Variants in TMSB4X observed in about 807,000 individuals in gnomAD.
TMSB4X encodes thymosin beta 4 X-linked.
In TMSB4X, 1 loss-of-function variant was observed where a neutral mutation model predicts 3.6. The observed-to-expected ratio is 0.28, with a 90% CI of 0.10 to 1.32. The LOEUF (loss-of-function observed/expected upper bound fraction) is 1.32. Among genes scored for constraint, TMSB4X ranks in the 40% most tolerant of loss-of-function variants. TMSB4X has a pLI of 0.45. For missense variants in TMSB4X, 6 were observed against 32.7 expected, an observed-to-expected ratio of 0.18 and a Z score of 1.99; for synonymous variants, 12 against 14.3, an observed-to-expected ratio of 0.84 and a Z score of 0.36.
chrX:12,975,708 A>G (rs2147274637), intron 1 of TMSB4X: 1 of 114,287 alleles, frequency 8.7e-6, no homozygotes, highest in African/African-American at 3.2e-5. Context: ...GCGGGGCTGC[A>G]TTGTGACGCG....
chrX:12,975,511 T>C (rs2043290343), intron 1 of TMSB4X: 1 of 113,238 alleles, frequency 8.8e-6, no homozygotes, highest in African/African-American at 3.2e-5. Context: ...GAGGTTCATC[T>C]TCCGAGCCCC....
At chrX:12,975,657 A>G (rs2043291622) in intron 1 of TMSB4X, 1 of 113,639 alleles carries the variant, frequency 8.8e-6, no homozygotes, top group African/African-American at 3.2e-5. Context: ...CCGGGAGAGC[A>G]GGCAAGACCG....
chrX:12,976,241 T>A lies in TMSB4X; in HGVS notation c.-16-5T>A. Reference sequence around the variant, plus strand: ...TCACGCTCGCTCTTGGCTTGCTCCCTGCAGCTTTTCCTCCGCAACCATGTC... The same window carrying A: ...TCACGCTCGCTCTTGGCTTGCTCCCAGCAGCTTTTCCTCCGCAACCATGTC... On this transcript the variant is annotated splice_polypyrimidine_tract_variant and splice_region_variant and intron_variant, in intron 1 of 2. Coordinates refer to ENST00000451311, the MANE Select transcript of TMSB4X (RefSeq NM_021109.4). 8.3e-7 allele frequency: 1 copy of A among 1,198,319 alleles called. No homozygotes were observed. Among genetic ancestry groups the A allele is most frequent in the Non-Finnish European group, 1.1e-6 (1 of 883,810 alleles).
In TMSB4X at chrX:12,976,325, G is replaced by A; in HGVS notation, c.64G>A (p.Glu22Lys). 8.3e-7 allele frequency: 1 copy of A among 1,209,831 alleles called. No individual in the cohort carries two copies. Among genetic ancestry groups the A allele is most frequent in the Non-Finnish European group, 1.1e-6 (1 of 894,298 alleles). ...KFDKSKLKKT[E>K]TQEKNPLPSK... ...CGATAAGTCGAAACTGAAGAAGACA[G>A]AGACGCAAGAGAAAAATCCACTGCC... is the stretch of plus-strand genomic sequence containing the variant. Residue 22 changes from glutamate to lysine, a missense_variant, in exon 2 of 3, where the codon GAG (glutamate) becomes AAG (lysine). Physicochemically the swap from Glu to Lys is moderately conservative, Grantham distance 56. Coordinates refer to ENST00000451311, the MANE Select transcript of TMSB4X (RefSeq NM_021109.4).
chrX:12,976,494 GT>G (rs2043297155), intron 2 of TMSB4X, 133 bp downstream of exon 2: 1 of 597,099 alleles, frequency 1.7e-6, no homozygotes, highest in Admixed American at 3.3e-5. Flanking sequence ...GTTGATGAAT[GT>G]GGCTTGCAAA....
Position 12,976,461 on chromosome X carries a change from G to T in TMSB4X, c.100+100G>T. The T allele has an allele frequency of 2.8e-5, 20 of 719,579 alleles. No individual in the cohort carries two copies. The South Asian group carries it at 4.8e-4, about 17-fold the overall frequency. The allele number at this position is 719,579 out of a possible 1,213,427, so 59.3% of individuals were successfully genotyped here. ...GGCCGCGGGAAGAATTCGGGAGGGGGGAGTGCGGGGGAAGAGCCGACAGTT... is the reference window on the plus strand; with the variant it reads ...GGCCGCGGGAAGAATTCGGGAGGGGTGAGTGCGGGGGAAGAGCCGACAGTT... On this transcript the variant is annotated intron_variant, in intron 2 of 2. Transcript: ENST00000451311.
chrX:12,976,846 C>T lies in TMSB4X; in HGVS notation c.*35C>T. 8.6e-7 allele frequency: 1 copy of T among 1,162,907 alleles called. No homozygotes were observed. The highest frequency in any genetic ancestry group is 1.2e-6 in the Non-Finnish European group (1 of 859,071). On this transcript the variant is annotated 3_prime_UTR_variant, in exon 3 of 3. Coordinates refer to ENST00000451311, the MANE Select transcript of TMSB4X (RefSeq NM_021109.4). ...CGCCGCCAATATGCACTGTACATTC[C>T]ACAAGCATTGCCTTCTTATTTTACT...
intron 2 of TMSB4X, 121 bp downstream of exon 2, chrX:12,976,482 C>T (rs2043297074): frequency 4.8e-6 from 3 of 628,445 alleles, no homozygotes; most frequent in Admixed American, 3.1e-5. Flanking sequence ...GAAGAGCCGA[C>T]AGTTGATGAA....
At chrX:12,975,381 C>G (rs767650627) in intron 1 of TMSB4X, 1 of 113,921 alleles carries the variant, frequency 8.8e-6, no homozygotes, top group Non-Finnish European at 1.9e-5. Context: ...AACCGAAAAA[C>G]TGGCGTTTTG....
Position 12,975,181 on chromosome X carries a change from GC to G in TMSB4X, c.-17+17del. ...GCGCCTCGCTTCGGTGAGCCCCAGG[GC>G]CCCTGCCTCCTTCCTCCTGCCGTCC... On this transcript the variant is annotated intron_variant, in intron 1 of 2. Transcript: ENST00000451311. 8.4e-6 allele frequency: 1 copy of G among 119,166 alleles called. No homozygotes were observed. 9.8% of individuals were successfully genotyped at this position (119,166 alleles called of 1,213,427 possible).
At chrX:12,975,507 C>T in intron 1 of TMSB4X, 1 of 113,242 alleles carries the variant, frequency 8.8e-6, no homozygotes, top group Middle Eastern at 4.6e-3. Flanking sequence ...TTCTGAGGTT[C>T]ATCTTCCGAG....
chrX:12,976,683 T>C, intron 2 of TMSB4X, 94 bp from the exon 3 acceptor site: 1 of 1,014,682 alleles, frequency 9.9e-7, no homozygotes, highest in Non-Finnish European at 1.4e-6. Context: ...TGTTTATGAT[T>C]TGAAAAGATG....
At chrX:12,975,701 G>C (rs924195505) in intron 1 of TMSB4X, 1 of 114,288 alleles carries the variant, frequency 8.7e-6, no homozygotes, top group East Asian at 2.8e-4. Context: ...TTTGTGTGCG[G>C]GGCTGCATTG....
At chrX:12,976,152 G>T in intron 1 of TMSB4X, 94 bp from the exon 2 acceptor site, 1 of 613,573 alleles carries the variant, frequency 1.6e-6, no homozygotes, top group South Asian at 2.6e-5. Flanking sequence ...TTTTTTTCAG[G>T]CTGCGGGTCG....
rs1485017013 is a variant in TMSB4X at position 12,977,036 on chromosome X, TGAAG to T, written c.*230_*233del. The T allele has an allele frequency of 2.3e-6, 1 of 437,574 alleles. No individual in the cohort carries two copies. Among genetic ancestry groups the T allele is most frequent in the African/African-American group, 2.5e-5 (1 of 39,260 alleles). 36.1% of individuals were successfully genotyped at this position (437,574 alleles called of 1,213,427 possible). On this transcript the variant is annotated 3_prime_UTR_variant, in exon 3 of 3. Transcript: ENST00000451311. ...GGGAAGGAAAGAACTTGCATGTTGGTGAAGGAAGAAGTGGGGTGGAAGAAGTGGG... is the reference window on the plus strand; with the variant it reads ...GGGAAGGAAAGAACTTGCATGTTGGTGAAGAAGTGGGGTGGAAGAAGTGGG...
intron 1 of TMSB4X, 71 bp downstream of exon 1, chrX:12,975,239 T>G (rs1225224898): frequency 8.8e-6 from 1 of 113,414 alleles, no homozygotes; most frequent in Non-Finnish European, 1.9e-5. Context: ...ATCATCCGCG[T>G]CCCTGTGAAG....
chrX:12,976,579 C>T (rs928378345), intron 2 of TMSB4X, among the ~76,000 whole-genome samples, 198 bp from the exon 3 acceptor site: 3 of 111,647 alleles, frequency 2.7e-5, no homozygotes, highest in Non-Finnish European at 5.6e-5. Flanking sequence ...TTTAATATGC[C>T]ATATTAATAT....
At chrX:12,975,733 T>A in intron 1 of TMSB4X, 1 of 113,929 alleles carries the variant, frequency 8.8e-6, no homozygotes, top group African/African-American at 3.2e-5. Context: ...ATGAAGCCGG[T>A]AGGGCGGTGG....
At chrX:12,976,676 TTA>T (rs2043298095) in intron 2 of TMSB4X, 99 bp from the exon 3 acceptor site, 3 of 960,162 alleles carry the variant, frequency 3.1e-6, no homozygotes, top group East Asian at 3.1e-5. Flanking sequence ...TGTAGAATGT[TTA>T]TGATTTGAAA....
Sources: allele counts gnomAD v4.1 joint callset (sites outside exome capture counted in the v4.1 genomes callset), GRCh38; gene constraint gnomAD v4.1.1; transcripts MANE v1.5; gene names NCBI Gene and HGNC (gene_info 2026-07-23, HGNC 2026-07-21).